The following DNAH14 variants were observed in gnomAD, a reference collection of about 807,000 sequenced individuals.
DNAH14 encodes the protein dynein axonemal heavy chain 14.
DNAH14 carries 478 observed loss-of-function variants against 520.9 expected under a neutral mutation model. The ratio of observed to expected loss-of-function variants is 0.92; its 90% CI spans 0.85 to 0.99. DNAH14 has a LOEUF of 0.99. Among genes scored for constraint, DNAH14 ranks in the 50% least tolerant of loss-of-function variants. The pLI is 0.00. For synonymous variants in DNAH14, 1,581 were observed against 1,757.2 expected, an observed-to-expected ratio of 0.90 and a Z score of 2.51; for missense variants, 4,831 against 5,234.5, an observed-to-expected ratio of 0.92 and a Z score of 2.38.
chr1:225,272,619 T>C (rs1180403474), intron 51 of DNAH14, among the ~76,000 whole-genome samples: 1 of 152,142 alleles, frequency 6.6e-6, no homozygotes, highest in African/African-American at 2.4e-5. Context: ...TTAAAACATA[T>C]AAACATTAGG....
At chr1:225,255,991 T>A (rs1303018119) in intron 44 of DNAH14, among the ~76,000 whole-genome samples, 1 of 152,194 alleles carries the variant, frequency 6.6e-6, no homozygotes, top group Non-Finnish European at 1.5e-5. Flanking sequence ...GCATTACCAT[T>A]AAAATCCAAT....
chr1:225,047,322 GTTAC>G (rs1268396631), intron 15 of DNAH14, among the ~76,000 whole-genome samples: 2 of 151,954 alleles, frequency 1.3e-5, no homozygotes, highest in East Asian at 3.9e-4. Flanking sequence ...CAACAACATA[GTTAC>G]TTGTTTGTTA....
Position 225,240,625 on chromosome 1 carries a change from C to T in DNAH14, c.6551C>T (p.Pro2184Leu), listed in dbSNP as rs759976319. ...AATACATGGTATCCAGAGAAAAATC[C>T]TGATAAATTAACAAAAATTATTCAA... is the stretch of plus-strand genomic sequence containing the variant. Reference protein sequence around the residue: ...DENTWYPEKNPDKLTKIIQKL... With the variant: ...DENTWYPEKNLDKLTKIIQKL... The change falls in exon 43 of 86, where the codon CCT becomes CTT. Residue 2184 changes from proline (P) to leucine (L), a missense_variant. Physicochemically the swap from Pro to Leu is moderately conservative, Grantham distance 98. Coordinates refer to ENST00000682510, the MANE Select transcript of DNAH14 (RefSeq NM_001367479.1). 9 of 1,550,156 alleles carry T rather than the reference C, an allele frequency of 5.8e-6. No homozygotes were observed. The African/African-American group carries it at 1.2e-4, about 21-fold the overall frequency.
At chr1:225,201,907 C>T (rs1186508933) in intron 38 of DNAH14, among the ~76,000 whole-genome samples, 1 of 136,320 alleles carries the variant, frequency 7.3e-6, no homozygotes, top group Non-Finnish European at 1.5e-5. Context: ...CGAAGTCTTC[C>T]TCTTGTCCCC....
Position 225,302,135 on chromosome 1 carries a change from G to A in DNAH14, c.8632-1021G>A, listed in dbSNP as rs536493094. Among the ~76,000 whole-genome samples the A allele has an allele frequency of 6.0e-3, 879 of 147,620 alleles. 10 individuals carry two copies. Among genetic ancestry groups the A allele is most frequent in the African/African-American group, 0.02 (827 of 40,516 alleles). On this transcript the variant is annotated intron_variant, in intron 56 of 85. Transcript: ENST00000682510. ...ATATATAATATATATTATATATTCT[G>A]CATATATAATATATATAATGCTATG...
At position 225,398,604 on chromosome 1, in the gene DNAH14, G is replaced by A. The variant is rs1358734299; in HGVS notation, c.13576G>A (p.Glu4526Lys). 17 of 1,551,578 alleles carry A rather than the reference G, an allele frequency of 1.1e-5. No individual in the cohort carries two copies. In the African/African-American group the frequency reaches 1.2e-4, roughly 11 times the overall value. ...ARWNREQKIL[E>K]DSLPLEMCCD... ...ATGGAATCGTGAACAGAAAATACTGGAAGACTCGCTGCCTCTGGAGATGTG... is the reference window on the plus strand; with the variant it reads ...ATGGAATCGTGAACAGAAAATACTGAAAGACTCGCTGCCTCTGGAGATGTG... The change falls in exon 85 of 86, where the codon GAA becomes AAA. Residue 4526 changes from glutamate (E) to lysine (K), a missense_variant. Glu to Lys is a moderately conservative substitution (Grantham distance 56, BLOSUM62 1). Transcript: ENST00000682510.
chr1:225,078,787 T>C (rs1421922106), intron 17 of DNAH14, among the ~76,000 whole-genome samples: 1 of 46,818 alleles, frequency 2.1e-5, no homozygotes, highest in African/African-American at 5.5e-5. Flanking sequence ...TCTCTCTCTC[T>C]CTCTCTCTCT....
intron 36 of DNAH14, 59 bp from the exon 37 acceptor site, chr1:225,185,232 T>C: frequency 6.7e-7 from 1 of 1,493,842 alleles, no homozygotes; most frequent in South Asian, 1.3e-5. Context: ...TATAGAGATA[T>C]ATTGGTTAAT....
At chr1:225,170,291 G>A (rs893276245) in intron 36 of DNAH14, among the ~76,000 whole-genome samples, 1 of 152,046 alleles carries the variant, frequency 6.6e-6, no homozygotes, top group African/African-American at 2.4e-5. Flanking sequence ...AATGTAAATG[G>A]GCTGAATGCT....
chr1:225,304,835 A>G, intron 57 of DNAH14, 73 bp from the exon 58 acceptor site: 2 of 1,260,628 alleles, frequency 1.6e-6, no homozygotes, highest in Non-Finnish European at 2.1e-6. Flanking sequence ...AATTAATTCT[A>G]AGTGTTCAAC....
In DNAH14 at chr1:225,322,716, A is replaced by T. The variant is rs371882986; in HGVS notation, c.9388A>T (p.Ile3130Phe). Residue 3130 changes from isoleucine (I) to phenylalanine (F), a missense_variant, in exon 62 of 86, where the codon ATT becomes TTT. Coordinates refer to ENST00000682510, the MANE Select transcript of DNAH14 (RefSeq NM_001367479.1). ...LVLTVMNAVC[I>F]LLQKKPNWAT... ...ACTGACTGTCATGAATGCAGTGTGT[A>T]TTCTTCTGCAAAAGAAACCTAACTG... is the stretch of plus-strand genomic sequence containing the variant. The T allele has an allele frequency of 1.9e-4, 293 of 1,551,418 alleles. 1 individual carries two copies. The highest frequency in any genetic ancestry group is 2.4e-4 in the Non-Finnish European group (272 of 1,146,892).
intron 21 of DNAH14, 129 bp from the exon 22 acceptor site, chr1:225,096,989 G>A: frequency 1.3e-6 from 1 of 781,206 alleles, no homozygotes. Context: ...TCATTTATGT[G>A]ACTTTCTATT....
intron 51 of DNAH14, among the ~76,000 whole-genome samples, 185 bp from the exon 52 acceptor site, chr1:225,272,770 T>C (rs1003700561): frequency 6.6e-6 from 1 of 152,096 alleles, no homozygotes; most frequent in African/African-American, 2.4e-5. Context: ...ATACCAATTT[T>C]CCCTATCTTA....
intron 74 of DNAH14, 82 bp downstream of exon 74, chr1:225,358,734 C>G: frequency 7.2e-7 from 1 of 1,386,268 alleles, no homozygotes; most frequent in Non-Finnish European, 9.7e-7. Context: ...AATTGTAATC[C>G]CCATAATCCC....
intron 23 of DNAH14, among the ~76,000 whole-genome samples, chr1:225,110,339 G>A (rs2076389110): frequency 6.6e-6 from 1 of 150,882 alleles, no homozygotes; most frequent in Non-Finnish European, 1.5e-5. Context: ...CTTTATTACA[G>A]GTTTGATCTC....
rs765350937 is a variant in DNAH14 at position 225,389,847 on chromosome 1, G to A, written c.13304G>A (p.Trp4435Ter). The A allele has an allele frequency of 6.4e-7, 1 of 1,551,744 alleles. No individual in the cohort carries two copies. Among genetic ancestry groups the A allele is most frequent in the Middle Eastern group, 1.7e-4 (1 of 5,992 alleles). The change falls in exon 83 of 86, where the codon TGG becomes TAG. Residue 4435 changes from tryptophan to a stop codon, truncating the protein, a stop_gained. Transcript: ENST00000682510. LOFTEE classifies it high-confidence loss of function. ...TTTGAAGGGTTTCCTTCAAGATACTGGCTCCCAGCTTTCTTCTTTCCACAA... is the reference window on the plus strand; with the variant it reads ...TTTGAAGGGTTTCCTTCAAGATACTAGCTCCCAGCTTTCTTCTTTCCACAA... ...NFFEGFPSRYWLPAFFFPQAF... is the reference protein window; with the variant it reads ...NFFEGFPSRY
chr1:225,161,955 T>C (rs1033895184), intron 35 of DNAH14, among the ~76,000 whole-genome samples: 1 of 152,210 alleles, frequency 6.6e-6, no homozygotes, highest in African/African-American at 2.4e-5. Context: ...ATTCTGTGGG[T>C]TGTCTCTTCA....
At chr1:225,389,650 C>T in intron 82 of DNAH14, 84 bp from the exon 83 acceptor site, 2 of 1,431,032 alleles carry the variant, frequency 1.4e-6, no homozygotes, top group Admixed American at 2.4e-5. Context: ...AAAAGAAGGG[C>T]CCTGGGAGGA....
At chr1:225,336,304 G>T (rs1239634312) in intron 66 of DNAH14, among the ~76,000 whole-genome samples, 1 of 151,758 alleles carries the variant, frequency 6.6e-6, no homozygotes, top group Non-Finnish European at 1.5e-5. Context: ...AGAAATGGGA[G>T]AGAATTTACC....
Sources: gnomAD v4.1 joint callset for allele counts (sites outside exome capture counted in the v4.1 genomes callset) on GRCh38, gnomAD v4.1.1 for gene constraint, MANE v1.5 for transcripts, NCBI Gene and HGNC (gene_info 2026-07-23, HGNC 2026-07-21) for gene names.